ALG12: variants seen among roughly 807,000 people sequenced by gnomAD.
ALG12 encodes the protein dol-P-Man:Man(7)GlcNAc(2)-PP-Dol alpha-1,6-mannosyltransferase.
ALG12 carries 36 observed loss-of-function variants against 46.0 expected under a neutral mutation model. The ratio of observed to expected loss-of-function variants is 0.78; its 90% CI spans 0.60 to 1.03. The LOEUF is 1.03. Ranked by LOEUF, ALG12 falls within the 50% of genes least tolerant of loss-of-function variation. The pLI, the probability that ALG12 is intolerant of heterozygous loss-of-function variation, is 0.00. For synonymous variants in ALG12, 326 were observed against 291.6 expected (o/e 1.12, Z -1.20); for missense variants, 599 against 633.5 (o/e 0.95, Z 0.58).
At chr22:49,866,295 G>T in the ALG12 span, among the ~76,000 whole-genome samples, 1 of 152,010 alleles carries the variant, frequency 6.6e-6, no homozygotes, top group Middle Eastern at 3.4e-3. Context: ...CCTGTTTCTG[G>T]GGTGGCTGTT....
the ALG12 span, chr22:49,884,983 T>C: frequency 3.7e-6 from 6 of 1,613,598 alleles, no homozygotes; most frequent in South Asian, 6.6e-5. Context: ...TCCTAGATTG[T>C]TTGAATCTGG....
the ALG12 span, chr22:49,886,546 C>T: frequency 1.9e-6 from 3 of 1,565,116 alleles, no homozygotes; most frequent in Non-Finnish European, 1.7e-6. The surrounding 1 kb of genome is among the most constrained non-coding windows in gnomAD (Gnocchi z 7.7). Context: ...CCCCATGGTA[C>T]ACATCCTCAA....
the ALG12 span, among the ~76,000 whole-genome samples, chr22:49,860,431 A>G: frequency 4.6e-5 from 7 of 152,388 alleles, no homozygotes; most frequent in African/African-American, 1.4e-4. Flanking sequence ...ATGTGCATAC[A>G]GTAGGTTGTA....
chr22:49,884,133 C>T, the ALG12 span: 1 of 1,613,866 alleles, frequency 6.2e-7, no homozygotes, highest in South Asian at 1.1e-5. Context: ...CCAGTTGTCT[C>T]ATGAGGCACG....
At chr22:49,871,298 C>A in the ALG12 span, among the ~76,000 whole-genome samples, 1 of 151,850 alleles carries the variant, frequency 6.6e-6, no homozygotes, top group Non-Finnish European at 1.5e-5. Flanking sequence ...ACCAGCCTGG[C>A]CAATGTGGTG....
intron 3 of ALG12, among the ~76,000 whole-genome samples, chr22:49,911,674 T>A (rs996646870): frequency 2.0e-5 from 3 of 152,066 alleles, no homozygotes; most frequent in African/African-American, 7.2e-5. Context: ...CCTCAGGTGA[T>A]CCCCCCGCCT....
At chr22:49,916,130 G>T (rs2146618618) in intron 1 of ALG12, among the ~76,000 whole-genome samples, 1 of 152,120 alleles carries the variant, frequency 6.6e-6, no homozygotes, top group East Asian at 1.9e-4. Flanking sequence ...GTGGTGGCGA[G>T]TAGTCCCAGC....
the ALG12 span, among the ~76,000 whole-genome samples, chr22:49,869,907 C>T: frequency 2.0e-5 from 3 of 152,306 alleles, no homozygotes; most frequent in South Asian, 6.2e-4. Context: ...GAATGATCGT[C>T]GCCCAGATCG....
chr22:49,918,026 GCCCCCGGGTGA>G (rs2060627766), intron 1 of ALG12: 1 of 114,046 alleles, frequency 8.8e-6, no homozygotes, highest in African/African-American at 3.6e-5. Context: ...GAGAGGTCCG[GCCCCCGGGTGA>G]GAGGTCTGGC....
At chr22:49,862,933 C>G in the ALG12 span, among the ~76,000 whole-genome samples, 1 of 152,016 alleles carries the variant, frequency 6.6e-6, no homozygotes, top group Non-Finnish European at 1.5e-5. Context: ...AACTCCTGAC[C>G]TTAGGTGATC....
the ALG12 span, among the ~76,000 whole-genome samples, chr22:49,873,524 A>C: frequency 6.6e-6 from 1 of 152,228 alleles, no homozygotes; most frequent in African/African-American, 2.4e-5. Context: ...ATAATGGAAA[A>C]GTGTGAAATA....
the ALG12 span, chr22:49,886,329 G>A: frequency 2.8e-5 from 44 of 1,599,208 alleles, no homozygotes; most frequent in Non-Finnish European, 3.7e-5. This position sits in a 1 kb window ranked among gnomAD's most constrained non-coding sequence, Gnocchi z 7.7. Flanking sequence ...AGGACGTCCC[G>A]TCCAAGTGGA....
At chr22:49,871,063 C>G in the ALG12 span, among the ~76,000 whole-genome samples, 1 of 151,712 alleles carries the variant, frequency 6.6e-6, no homozygotes, top group Non-Finnish European at 1.5e-5. Context: ...GCCTCAGCCT[C>G]TCAAGCAGCT....
the ALG12 span, chr22:49,883,859 G>A: frequency 6.2e-7 from 1 of 1,608,092 alleles, no homozygotes. Flanking sequence ...GGGACGGGTT[G>A]CAGCTGCAAG....
intron 7 of ALG12, among the ~76,000 whole-genome samples, chr22:49,904,752 A>T (rs2060533912): frequency 6.6e-6 from 1 of 152,034 alleles, no homozygotes; most frequent in African/African-American, 2.4e-5. Context: ...ATATATATAT[A>T]TTTTTGAGAC....
At chr22:49,886,563 G>A in the ALG12 span, 2 of 1,557,716 alleles carry the variant, frequency 1.3e-6, no homozygotes, top group Middle Eastern at 1.7e-4. The surrounding 1 kb of genome is among the most constrained non-coding windows in gnomAD (Gnocchi z 7.7). Context: ...TCAACAGGAA[G>A]GTGGAGATGC....
intron 8 of ALG12, 30 bp downstream of exon 8, chr22:49,904,307 C>A: frequency 3.7e-6 from 6 of 1,614,202 alleles, no homozygotes; most frequent in Non-Finnish European, 5.1e-6. Flanking sequence ...GGAGCCACAG[C>A]AGTCCCCAGG....
At position 49,906,732 on chromosome 22, in the gene ALG12, C is replaced by A. The variant is rs2060543951; in HGVS notation, c.992+989G>T. 6.6e-6 allele frequency among the ~76,000 whole-genome samples: 1 copy of A among 152,210 alleles called. No individual in the cohort carries two copies. The highest frequency in any genetic ancestry group is 2.4e-5 in the African/African-American group (1 of 41,446). The stretch of plus-strand genomic sequence containing the variant: ...TGCCCAGCGTGGCCTGAGTTGGCCT[C>A]CTGTTCCCATCAAGGCAGCAAACTC... On this transcript the variant is annotated intron_variant, in intron 7 of 9. Transcript: ENST00000330817. The surrounding 1 kb of genome is among the most constrained non-coding windows in gnomAD (Gnocchi z 4.4).
At chr22:49,892,967 C>G in the ALG12 span, among the ~76,000 whole-genome samples, 1 of 152,074 alleles carries the variant, frequency 6.6e-6, no homozygotes, top group African/African-American at 2.4e-5. Context: ...TTTATACATT[C>G]AATAATATGG....
Sources: allele counts gnomAD v4.1 joint callset (sites outside exome capture counted in the v4.1 genomes callset), GRCh38; gene constraint gnomAD v4.1.1; non-coding constraint Gnocchi (gnomAD v3.1); transcripts MANE v1.5; gene names NCBI Gene and HGNC (gene_info 2026-07-23, HGNC 2026-07-21).